NMRAL1: variants seen among roughly 807,000 people sequenced by gnomAD.
The protein encoded by NMRAL1 is NmrA like redox sensor 1.
Under a neutral mutation model 27.5 loss-of-function variants are expected in NMRAL1, and 32 were observed. The ratio of observed to expected loss-of-function variants is 1.16; its 90% CI spans 0.88 to 1.56. The LOEUF (loss-of-function observed/expected upper bound fraction) is 1.56, where lower values mean the gene tolerates loss of function less well. Among genes scored for constraint, NMRAL1 ranks in the 40% most tolerant of loss-of-function variants. The probability of loss-of-function intolerance (pLI) is 0.00; values close to 1 mark genes in which losing one functional copy is unlikely to be tolerated. For missense variants in NMRAL1, 420 were observed against 392.0 expected, an observed-to-expected ratio of 1.07 and a Z score of -0.60; for synonymous variants, 166 against 166.8, an observed-to-expected ratio of 1.00 and a Z score of 0.04.
At chr16:4,462,599 C>T (rs1369891006) in intron 5 of NMRAL1, among the ~76,000 whole-genome samples, 1 of 152,060 alleles carries the variant, frequency 6.6e-6, no homozygotes, top group Non-Finnish European at 1.5e-5. Flanking sequence ...CTTGACCAGA[C>T]ACAGTGGCTC....
At chr16:4,473,119 C>T (rs1485698173) in intron 2 of NMRAL1, among the ~76,000 whole-genome samples, 1 of 151,936 alleles carries the variant, frequency 6.6e-6, no homozygotes, top group South Asian at 2.1e-4. Flanking sequence ...AGGTGCATGA[C>T]ACCACGCCCC....
chr16:4,469,372 T>A lies in NMRAL1; in HGVS notation c.134A>T (p.Lys45Met). 1 of 1,614,092 alleles carries A rather than the reference T, an allele frequency of 6.2e-7. No homozygotes were observed. The highest frequency in any genetic ancestry group is 8.5e-7 in the Non-Finnish European group (1 of 1,179,932). Residue 45 changes from lysine to methionine, a missense_variant, in exon 3 of 6, where the codon AAG becomes ATG. Lys to Met is a moderately conservative substitution (Grantham distance 95). Transcript: ENST00000283429. ...TTCTGCACCTTGCAGCCTCAGCTCC[T>A]TTGCTGCCTTCTTCCTAGGGTTTCG... ...VTRNPRKKAA[K>M]ELRLQGAEVV...
At chr16:4,473,024 G>T (rs115973061) in intron 2 of NMRAL1, among the ~76,000 whole-genome samples, 11,627 of 145,088 alleles carry the variant, frequency 0.08, 775 homozygotes, top group African/African-American at 0.18. Context: ...TGCCCAGGCT[G>T]GAGTGCAGTG....
At chr16:4,469,031 G>C (rs2057444307) in intron 3 of NMRAL1, among the ~76,000 whole-genome samples, 196 bp downstream of exon 3, 1 of 151,520 alleles carries the variant, frequency 6.6e-6, no homozygotes, top group Admixed American at 6.6e-5. Context: ...GACTGAGACG[G>C]CCTCAAACAA....
upstream of NMRAL1, among the ~76,000 whole-genome samples, chr16:4,475,746 T>C (rs1430891311): frequency 6.6e-6 from 1 of 150,736 alleles, no homozygotes; most frequent in Non-Finnish European, 1.5e-5. Flanking sequence ...GAGACCAGCC[T>C]GGCCAACATG....
chr16:4,472,742 T>C (rs1449070260), intron 2 of NMRAL1, among the ~76,000 whole-genome samples: 2 of 100,618 alleles, frequency 2.0e-5, no homozygotes, highest in Admixed American at 1.1e-4. Context: ...GGACTCTGTC[T>C]CAAAAAAAAA....
chr16:4,464,458 AGGCTG>A (rs1363458519), intron 4 of NMRAL1, among the ~76,000 whole-genome samples: 1 of 152,056 alleles, frequency 6.6e-6, no homozygotes. Context: ...GTAGATGGGG[AGGCTG>A]GCAACTGTCT....
At chr16:4,462,623 C>T (rs2057149787) in intron 5 of NMRAL1, among the ~76,000 whole-genome samples, 1 of 152,174 alleles carries the variant, frequency 6.6e-6, no homozygotes, top group Non-Finnish European at 1.5e-5. Flanking sequence ...CCTGTCATCC[C>T]AGCACTTTGG....
In NMRAL1 at chr16:4,466,166, C is replaced by G; in HGVS notation, c.516G>C (p.Lys172Asn). 1 of 1,614,200 alleles carries G rather than the reference C, an allele frequency of 6.2e-7. No homozygotes were observed. The highest frequency in any genetic ancestry group is 8.5e-7 in the Non-Finnish European group (1 of 1,180,042). Residue 172 changes from lysine to asparagine, a missense_variant, in exon 4 of 6, where the codon AAG becomes AAC. Physicochemically the swap from Lys to Asn is moderately conservative, Grantham distance 94 (BLOSUM62 0). Coordinates refer to ENST00000283429, the MANE Select transcript of NMRAL1 (RefSeq NM_020677.6). ...HFLPQKAPDG[K>N]SYLLSLPTGD... Reference sequence around the variant, plus strand: ...AAGGGCACTTACTCAGCAAGTAGCTCTTTCCGTCTGGGGCTTTCTGGGGCA... The same window carrying G: ...AAGGGCACTTACTCAGCAAGTAGCTGTTTCCGTCTGGGGCTTTCTGGGGCA...
upstream of NMRAL1, among the ~76,000 whole-genome samples, chr16:4,475,727 C>T (rs1175025131): frequency 6.6e-6 from 1 of 151,610 alleles, no homozygotes; most frequent in Admixed American, 6.6e-5. Context: ...CACCTGAGCT[C>T]AGGAGTTCGA....
chr16:4,461,812 C>G lies in NMRAL1; in HGVS notation c.868G>C (p.Glu290Gln). 5 of 1,614,078 alleles carry G rather than the reference C, an allele frequency of 3.1e-6. No individual in the cohort carries two copies. Among genetic ancestry groups the G allele is most frequent in the Non-Finnish European group, 3.4e-6 (4 of 1,179,946 alleles). The change falls in exon 6 of 6, where the codon GAA (glutamate) becomes CAA (glutamine). Residue 290 changes from glutamate to glutamine, a missense_variant. By Grantham distance (29) the Glu-to-Gln change is conservative. Coordinates refer to ENST00000283429, the MANE Select transcript of NMRAL1 (RefSeq NM_020677.6). Reference protein sequence around the residue: ...PKALTLDQWLEQHKGDFNLL With the variant: ...PKALTLDQWLQQHKGDFNLL ...AGGTTGAAGTCCCCTTTGTGCTGTTCCAGCCACTGGTCCAGCGTCAGGGCC... is the reference window on the plus strand; with the variant it reads ...AGGTTGAAGTCCCCTTTGTGCTGTTGCAGCCACTGGTCCAGCGTCAGGGCC...
intron 1 of NMRAL1, 92 bp downstream of exon 1, chr16:4,474,462 C>T: frequency 1.3e-5 from 4 of 309,608 alleles, no homozygotes; most frequent in Middle Eastern, 2.0e-3. Context: ...TCCAGGAGCC[C>T]GGGACCCCGA....
intron 2 of NMRAL1, among the ~76,000 whole-genome samples, chr16:4,470,662 AT>A (rs1479401115): frequency 6.6e-6 from 1 of 151,922 alleles, no homozygotes; most frequent in Admixed American, 6.6e-5. Flanking sequence ...AAATAAAAAA[AT>A]GAGGCCGGGT....
At chr16:4,468,537 A>G (rs936768770) in intron 3 of NMRAL1, among the ~76,000 whole-genome samples, 2 of 150,756 alleles carry the variant, frequency 1.3e-5, no homozygotes, top group East Asian at 3.9e-4. Context: ...AATTGCTTGA[A>G]TCTGGGAGGC....
intron 1 of NMRAL1, 136 bp from the exon 2 acceptor site, chr16:4,474,302 C>G (rs2057736048): frequency 1.6e-6 from 1 of 612,278 alleles, no homozygotes; most frequent in African/African-American, 1.9e-5. Flanking sequence ...AGACGCCTGT[C>G]CCGAGATATC....
intron 1 of NMRAL1, 36 bp downstream of exon 1, chr16:4,474,518 T>TA (rs2057752685): frequency 5.7e-6 from 1 of 174,954 alleles, no homozygotes; most frequent in Non-Finnish European, 1.2e-5. Flanking sequence ...AGCTGCGCGC[T>TA]AGGCGCCAAC....
intron 2 of NMRAL1, among the ~76,000 whole-genome samples, chr16:4,470,161 CAAA>C (rs34104543): frequency 1.9e-5 from 1 of 51,474 alleles, no homozygotes; most frequent in Non-Finnish European, 4.8e-5. Flanking sequence ...GATTCCCTCT[CAAA>C]AAAAAAAAAA....
At chr16:4,472,701 G>A (rs1596407104) in intron 2 of NMRAL1, among the ~76,000 whole-genome samples, 1 of 145,902 alleles carries the variant, frequency 6.9e-6, no homozygotes, top group South Asian at 2.1e-4. Context: ...CAGAGATCAC[G>A]CCACTGCACT....
chr16:4,471,097 ACT>A (rs2057549776), intron 2 of NMRAL1, among the ~76,000 whole-genome samples: 1 of 151,452 alleles, frequency 6.6e-6, no homozygotes. Flanking sequence ...ACACAGTGAG[ACT>A]CTGTCTCAAA....
Sources: gnomAD v4.1 joint callset for allele counts (sites outside exome capture counted in the v4.1 genomes callset) on GRCh38, gnomAD v4.1.1 for gene constraint, MANE v1.5 for transcripts, NCBI Gene and HGNC (gene_info 2026-07-23, HGNC 2026-07-21) for gene names.